Variants in EVC observed in about 807,000 individuals in gnomAD.
The protein encoded by EVC is EvC ciliary complex subunit 1.
Under a neutral mutation model 118.9 loss-of-function variants are expected in EVC, and 116 were observed. That is an observed-to-expected ratio of 0.98 (90% CI 0.84 to 1.14). The LOEUF is 1.14. Ranked by LOEUF, EVC falls within the 50% of genes most tolerant of loss-of-function variation. EVC has a pLI of 0.00. For missense variants in EVC, 1,401 were observed against 1,246.4 expected (o/e 1.12, Z -1.87); for synonymous variants, 619 against 534.7 (o/e 1.16, Z -2.18).
At position 5,755,887 on chromosome 4, in the gene EVC, C is replaced by T. The variant is rs1034588923; in HGVS notation, c.1465-377C>T. On this transcript the variant is annotated intron_variant, in intron 10 of 20. Transcript: ENST00000264956. This position sits in a 1 kb window ranked among gnomAD's most constrained non-coding sequence, Gnocchi z 4.1. Reference sequence around the variant, plus strand: ...CTGGCTGGTTGCTGACTGCACTGACCTCCAATCGCCAGTCTGTGTCACCCC... The same window carrying T: ...CTGGCTGGTTGCTGACTGCACTGACTTCCAATCGCCAGTCTGTGTCACCCC... Among the ~76,000 whole-genome samples the T allele has an allele frequency of 2.0e-5, 3 of 152,162 alleles. No homozygotes were observed. The highest frequency in any genetic ancestry group is 7.2e-5 in the African/African-American group (3 of 41,448).
rs112670604 is a variant in EVC at position 5,742,864 on chromosome 4, G to A, written c.801+1050G>A. Among the ~76,000 whole-genome samples, 3,534 of 152,294 alleles carry A rather than the reference G, an allele frequency of 0.023. 133 individuals carry two copies. Among genetic ancestry groups the A allele is most frequent in the African/African-American group, 0.079 (3,286 of 41,552 alleles). On this transcript the variant is annotated intron_variant, in intron 6 of 20. Transcript: ENST00000264956. The surrounding 1 kb of genome is among the most constrained non-coding windows in gnomAD (Gnocchi z 5.2). ...GAAGGAATTCAAGGGAGAGCCAGTGGTGTTAGACAGTAGTGTTTTAGTGAA... is the reference window on the plus strand; with the variant it reads ...GAAGGAATTCAAGGGAGAGCCAGTGATGTTAGACAGTAGTGTTTTAGTGAA...
intron 11 of EVC, among the ~76,000 whole-genome samples, chr4:5,770,633 C>A (rs1577511872): frequency 6.6e-6 from 1 of 152,190 alleles, no homozygotes; most frequent in East Asian, 1.9e-4. Flanking sequence ...CATTTCTCCA[C>A]CCCTGGGGTT....
intron 2 of EVC, among the ~76,000 whole-genome samples, chr4:5,727,392 G>A (rs1319810657): frequency 1.3e-5 from 2 of 152,056 alleles, no homozygotes; most frequent in South Asian, 2.1e-4. Flanking sequence ...GTCTGTTCAT[G>A]TCCTTCGCCC....
At position 5,811,062 on chromosome 4, in the gene EVC, A is replaced by G. The variant is rs1716849935; in HGVS notation, c.*25A>G. 1 of 1,587,232 alleles carries G rather than the reference A, an allele frequency of 6.3e-7. No individual in the cohort carries two copies. The highest frequency in any genetic ancestry group is 1.3e-5 in the African/African-American group (1 of 74,116). On this transcript the variant is annotated 3_prime_UTR_variant, in exon 21 of 21. Transcript: ENST00000264956. ...GTTTAAGACCAGTCGGTGGGACAAG[A>G]CCTGAAGCCCTGGGTCTGGGTGTGA...
chr4:5,714,159 C>A (rs1047366615), intron 1 of EVC, among the ~76,000 whole-genome samples: 5 of 152,344 alleles, frequency 3.3e-5, no homozygotes, highest in East Asian at 1.9e-4. Flanking sequence ...ACCTTCTTAA[C>A]TAGGGAAGCC....
At chr4:5,828,466 C>T in the EVC span, 30 of 1,607,114 alleles carry the variant, frequency 1.9e-5, no homozygotes, top group African/African-American at 4.0e-5. Context: ...CGGGTGGGCC[C>T]GCTCCCCTGC....
At chr4:5,770,862 A>G (rs754518968) in intron 11 of EVC, among the ~76,000 whole-genome samples, 2 of 151,888 alleles carry the variant, frequency 1.3e-5, no homozygotes, top group Non-Finnish European at 2.9e-5. Context: ...AAATAACACA[A>G]ATTAGCCAGG....
At position 5,780,571 on chromosome 4, in the gene EVC, T is replaced by C. The variant is rs77357118; in HGVS notation, c.1564-2981T>C. On this transcript the variant is annotated intron_variant, in intron 11 of 20. Transcript: ENST00000264956. ...TCAAATTAGTAATTCTTAACAATTA[T>C]ATTTATTATCACCTGTCATTTTCTG... Among the ~76,000 whole-genome samples the C allele has an allele frequency of 7.7e-3, 1,167 of 152,358 alleles. 12 individuals carry two copies. Among genetic ancestry groups the C allele is most frequent in the African/African-American group, 0.024 (1,011 of 41,566 alleles).
the EVC span, chr4:5,828,417 A>G: frequency 6.4e-7 from 1 of 1,559,680 alleles, no homozygotes; most frequent in East Asian, 2.3e-5. Context: ...CACACGTCAG[A>G]TCTCGATTCC....
At chr4:5,802,193 TG>T in intron 16 of EVC, 99 bp downstream of exon 16, 1 of 1,476,618 alleles carries the variant, frequency 6.8e-7, no homozygotes, top group East Asian at 2.3e-5. Flanking sequence ...ATTTTATTTT[TG>T]GGAATATAAT....
chr4:5,787,140 T>C (rs1418544188), intron 12 of EVC, among the ~76,000 whole-genome samples: 1 of 152,224 alleles, frequency 6.6e-6, no homozygotes, highest in Non-Finnish European at 1.5e-5. Flanking sequence ...AATTTGTGAA[T>C]TACCCCGTTA....
At chr4:5,779,948 T>G (rs1291370233) in intron 11 of EVC, among the ~76,000 whole-genome samples, 1 of 151,564 alleles carries the variant, frequency 6.6e-6, no homozygotes, top group Non-Finnish European at 1.5e-5. Flanking sequence ...TTCCAGTTTT[T>G]GCCCATTCAG....
chr4:5,794,812 G>A lies in EVC; in HGVS notation c.1886+1095G>A, dbSNP rs184989524. ...CAGGTTTGTTACAAAGGTATATTGC[G>A]TGATGCTGAGGATTGGGGTACAGCT... On this transcript the variant is annotated intron_variant, in intron 13 of 20. Coordinates refer to ENST00000264956, the MANE Select transcript of EVC (RefSeq NM_153717.3). Among the ~76,000 whole-genome samples, 149 of 152,176 alleles carry A rather than the reference G, an allele frequency of 9.8e-4. 1 individual carries two copies. The highest frequency in any genetic ancestry group is 3.4e-3 in the Middle Eastern group (1 of 294).
intron 11 of EVC, among the ~76,000 whole-genome samples, chr4:5,782,086 T>G (rs180997419): frequency 1.3e-5 from 2 of 152,236 alleles, no homozygotes; most frequent in Admixed American, 1.3e-4. Context: ...TGTTTGTTTT[T>G]ATATTTTTTG....
downstream of EVC, among the ~76,000 whole-genome samples, chr4:5,818,121 T>G (rs1717979632): frequency 6.6e-6 from 1 of 152,136 alleles, no homozygotes; most frequent in East Asian, 1.9e-4. Context: ...GTTCTTGTGG[T>G]AGTGAATAAG....
the EVC span, among the ~76,000 whole-genome samples, chr4:5,827,733 G>GCACACACACA: frequency 0.01 from 1,386 of 138,324 alleles, 25 homozygotes; most frequent in African/African-American, 0.038. Context: ...ATGTGCGCGT[G>GCACACACACA]CACACACACA....
chr4:5,727,583 C>A (rs1726070136), intron 2 of EVC, among the ~76,000 whole-genome samples: 1 of 151,842 alleles, frequency 6.6e-6, no homozygotes, highest in Admixed American at 6.6e-5. Flanking sequence ...TTAATGAGAT[C>A]CCATTTGTCA....
chr4:5,817,666 C>G (rs1026100518), downstream of EVC, among the ~76,000 whole-genome samples: 1 of 152,210 alleles, frequency 6.6e-6, no homozygotes, highest in African/African-American at 2.4e-5. Context: ...GCAAATGACA[C>G]TGTCAATGGG....
intron 1 of EVC, among the ~76,000 whole-genome samples, chr4:5,712,955 C>T (rs577863397): frequency 5.3e-5 from 8 of 152,344 alleles, no homozygotes; most frequent in African/African-American, 1.9e-4. Flanking sequence ...GCAGGGGATG[C>T]TCTGCAAGGG....
Sources: allele counts gnomAD v4.1 joint callset (sites outside exome capture counted in the v4.1 genomes callset), GRCh38; gene constraint gnomAD v4.1.1; non-coding constraint Gnocchi (gnomAD v3.1); transcripts MANE v1.5; gene names NCBI Gene and HGNC (gene_info 2026-07-23, HGNC 2026-07-21).